Variants in ADK observed in about 807,000 individuals in gnomAD.
ADK encodes the protein adenosine kinase.
A neutral mutation model predicts 44.7 loss-of-function variants in ADK; 24 were observed. That is an observed-to-expected ratio of 0.54 (90% CI 0.39 to 0.76). ADK has a LOEUF of 0.76. Among genes scored for constraint, ADK ranks in the 30% least tolerant of loss-of-function variants. The probability of loss-of-function intolerance (pLI) is 0.00; values close to 1 mark genes in which losing one functional copy is unlikely to be tolerated. For synonymous variants in ADK, 128 were observed against 142.6 expected (o/e 0.90, Z 0.73); for missense variants, 321 against 425.1 (o/e 0.76, Z 2.15).
chr10:74,273,337 A>G (rs1420992083), intron 3 of ADK, among the ~76,000 whole-genome samples: 1 of 151,966 alleles, frequency 6.6e-6, no homozygotes, highest in Non-Finnish European at 1.5e-5. Context: ...GCCTGAGACA[A>G]CTCTGACAGG....
chr10:74,183,073 A>G (rs1232847909), intron 1 of ADK, among the ~76,000 whole-genome samples: 2 of 152,018 alleles, frequency 1.3e-5, no homozygotes, highest in African/African-American at 4.8e-5. Flanking sequence ...TGTAGTCCCT[A>G]CAGTCCCACC....
Position 74,473,817 on chromosome 10 carries a change from C to A in ADK, c.556-51439C>A, listed in dbSNP as rs376128504. Among the ~76,000 whole-genome samples the A allele has an allele frequency of 2.4e-4, 36 of 152,196 alleles. No individual in the cohort carries two copies. In the East Asian group the frequency reaches 4.1e-3, roughly 17 times the overall value. On this transcript the variant is annotated intron_variant, in intron 6 of 10. Transcript: ENST00000539909. Reference sequence around the variant, plus strand: ...CATTAGAAATGAATCACTAAATCCACCCCACACTTGGGGGTGGGGGGGTAA... The same window carrying A: ...CATTAGAAATGAATCACTAAATCCAACCCACACTTGGGGGTGGGGGGGTAA...
intron 3 of ADK, among the ~76,000 whole-genome samples, chr10:74,272,020 CTTATG>C (rs1014643466): frequency 1.3e-5 from 2 of 152,046 alleles, no homozygotes; most frequent in South Asian, 2.1e-4. Context: ...TCTGAATATA[CTTATG>C]TTATGATGTG....
Position 74,655,658 on chromosome 10 carries a change from A to C in ADK, c.878-14525A>C. 6.7e-6 allele frequency: 3 copies of C among 450,132 alleles called. No individual in the cohort carries two copies. In the Admixed American group the frequency reaches 8.3e-5, roughly 12 times the overall value. The allele number at this position is 450,132 out of a possible 1,614,324, so 27.9% of individuals were successfully genotyped here. On this transcript the variant is annotated intron_variant, in intron 9 of 10. Coordinates refer to ENST00000539909, the MANE Select transcript of ADK (RefSeq NM_006721.4). ...AAAGGCTCCTTCCAGAGCAGCCAGG[A>C]AGACCCCCGGGCCTCCCGAAGGACA...
intron 4 of ADK, among the ~76,000 whole-genome samples, chr10:74,322,104 A>T (rs1378044710): frequency 1.3e-5 from 2 of 152,240 alleles, no homozygotes; most frequent in Non-Finnish European, 2.9e-5. Context: ...GTATTAAAAA[A>T]ATCTGATTAT....
chr10:74,572,824 T>C (rs1210471456), intron 7 of ADK, among the ~76,000 whole-genome samples: 1 of 152,226 alleles, frequency 6.6e-6, no homozygotes, highest in African/African-American at 2.4e-5. Context: ...ATTCTTCACG[T>C]AGTTCTCGAG....
At chr10:74,479,395 G>GTTTTTTTTTTTTTTT (rs557302014) in intron 6 of ADK, among the ~76,000 whole-genome samples, 1 of 117,222 alleles carries the variant, frequency 8.5e-6, no homozygotes. Context: ...TTTTTTGTTG[G>GTTTTTTTTTTTTTTT]TTTTTTTTTT....
chr10:74,658,963 C>T (rs894850669), intron 9 of ADK, among the ~76,000 whole-genome samples: 1 of 152,010 alleles, frequency 6.6e-6, no homozygotes, highest in African/African-American at 2.4e-5. Flanking sequence ...CACTTGTAAT[C>T]CCAGTACTTC....
intron 3 of ADK, among the ~76,000 whole-genome samples, chr10:74,312,829 C>T (rs1163425407): frequency 7.0e-6 from 1 of 143,668 alleles, no homozygotes; most frequent in Admixed American, 7.2e-5. Context: ...CGGGAGGATC[C>T]CTTGAGCCCA....
chr10:74,493,105 A>G (rs140100916), intron 6 of ADK, among the ~76,000 whole-genome samples: 2 of 152,298 alleles, frequency 1.3e-5, no homozygotes, highest in African/African-American at 4.8e-5. Flanking sequence ...TATCTGTAAA[A>G]TGAACCTAAT....
intron 1 of ADK, among the ~76,000 whole-genome samples, chr10:74,177,945 ATTTTT>A (rs1158811749): frequency 1.2e-4 from 13 of 109,010 alleles, no homozygotes; most frequent in African/African-American, 4.6e-4. Flanking sequence ...ATATATATAT[ATTTTT>A]TTTTTTTTGA....
intron 9 of ADK, among the ~76,000 whole-genome samples, chr10:74,645,921 G>A (rs1025887740): frequency 6.6e-6 from 1 of 152,050 alleles, no homozygotes; most frequent in African/African-American, 2.4e-5. Context: ...AAGGTTATGG[G>A]AACCACCTAG....
intron 6 of ADK, among the ~76,000 whole-genome samples, chr10:74,524,014 C>T (rs1271240642): frequency 1.3e-5 from 2 of 152,180 alleles, no homozygotes; most frequent in Non-Finnish European, 2.9e-5. Context: ...CCTACCCTGC[C>T]ATCCAAGGCC....
At chr10:74,170,799 CA>C (rs938297412) in intron 1 of ADK, among the ~76,000 whole-genome samples, 1,461 of 52,860 alleles carry the variant, frequency 0.028, 15 homozygotes, top group African/African-American at 0.087. Flanking sequence ...GACTCCATCT[CA>C]AAAAAAAAAA....
intron 9 of ADK, among the ~76,000 whole-genome samples, chr10:74,653,556 G>T (rs1854360573): frequency 6.6e-6 from 1 of 152,128 alleles, no homozygotes; most frequent in Non-Finnish European, 1.5e-5. Context: ...GAATGGTGAG[G>T]AACACAACCA....
At chr10:74,188,722 A>G (rs907728876) in intron 1 of ADK, among the ~76,000 whole-genome samples, 1 of 151,786 alleles carries the variant, frequency 6.6e-6, no homozygotes, top group African/African-American at 2.4e-5. Flanking sequence ...AGTTTAGATT[A>G]TTGTTTTTAA....
chr10:74,515,278 C>T (rs1039582972), intron 6 of ADK, among the ~76,000 whole-genome samples: 2 of 152,054 alleles, frequency 1.3e-5, no homozygotes, highest in African/African-American at 4.8e-5. Context: ...GTGGCATGGG[C>T]TGAGAGAGTT....
intron 6 of ADK, among the ~76,000 whole-genome samples, chr10:74,467,886 T>C (rs1275355812): frequency 6.6e-6 from 1 of 152,182 alleles, no homozygotes; most frequent in Non-Finnish European, 1.5e-5. Context: ...AACATTTTTA[T>C]GAAACTAGGT....
At chr10:74,604,694 C>G (rs1852256639) in intron 9 of ADK, among the ~76,000 whole-genome samples, 1 of 152,142 alleles carries the variant, frequency 6.6e-6, no homozygotes, top group Non-Finnish European at 1.5e-5. Context: ...AGCATGATGC[C>G]TCCAGCTTTG....
Sources: gnomAD v4.1 joint callset for allele counts (sites outside exome capture counted in the v4.1 genomes callset) on GRCh38, gnomAD v4.1.1 for gene constraint, MANE v1.5 for transcripts, NCBI Gene and HGNC (gene_info 2026-07-23, HGNC 2026-07-21) for gene names.